Variants in DPP6 observed in about 807,000 individuals in gnomAD.
DPP6 encodes dipeptidyl peptidase like 6.
In DPP6, 69 loss-of-function variants were observed where a neutral mutation model predicts 122.6. The observed-to-expected ratio is 0.56, with a 90% confidence interval of 0.46 to 0.69. The LOEUF (loss-of-function observed/expected upper bound fraction) is 0.69, where lower values mean the gene tolerates loss of function less well. Among genes scored for constraint, DPP6 ranks in the 30% least tolerant of loss-of-function variants. The pLI is 0.00. For synonymous variants in DPP6, 418 were observed against 433.1 expected, an observed-to-expected ratio of 0.97 and a Z score of 0.43; for missense variants, 928 against 1,116.9, an observed-to-expected ratio of 0.83 and a Z score of 2.41.
intron 10 of DPP6, among the ~76,000 whole-genome samples, chr7:154,788,071 C>CT (rs1049742201): frequency 6.6e-6 from 1 of 151,962 alleles, no homozygotes; most frequent in African/African-American, 2.4e-5. Context: ...TTAGAGATTA[C>CT]TTTTTTTTAC....
chr7:153,953,689 C>T (rs1802324729), intron 1 of DPP6, among the ~76,000 whole-genome samples: 1 of 152,174 alleles, frequency 6.6e-6, no homozygotes. Flanking sequence ...TTGGAGGTTT[C>T]TTGGCTATAC....
chr7:154,572,488 T>TGAGTATAC (rs1831172038), intron 5 of DPP6, among the ~76,000 whole-genome samples: 1 of 147,350 alleles, frequency 6.8e-6, no homozygotes, highest in East Asian at 2.0e-4. Flanking sequence ...TCTGAGTATA[T>TGAGTATAC]GAGTTTCTTT....
At chr7:154,446,110 C>G in intron 1 of DPP6, 104 bp from the exon 2 acceptor site, 1 of 685,638 alleles carries the variant, frequency 1.5e-6, no homozygotes, top group Non-Finnish European at 2.4e-6. Flanking sequence ...GCCTCTTTCA[C>G]TGTTTTGTAT....
At chr7:154,106,755 G>A (rs1806190202) in intron 1 of DPP6, among the ~76,000 whole-genome samples, 1 of 152,154 alleles carries the variant, frequency 6.6e-6, no homozygotes, top group African/African-American at 2.4e-5. Context: ...AGTCCCTGGA[G>A]AGAAAAGAGG....
the DPP6 span, among the ~76,000 whole-genome samples, chr7:153,841,583 G>A: frequency 6.6e-6 from 1 of 152,192 alleles, no homozygotes; most frequent in Non-Finnish European, 1.5e-5. Context: ...TGAGTCAAAC[G>A]AGTTTGCAAG....
intron 16 of DPP6, among the ~76,000 whole-genome samples, chr7:154,844,357 A>G (rs1801786269): frequency 6.6e-6 from 1 of 152,186 alleles, no homozygotes; most frequent in Admixed American, 6.5e-5. Flanking sequence ...AGCTTCCCCA[A>G]AATTCTGTGT....
intron 1 of DPP6, among the ~76,000 whole-genome samples, chr7:154,013,485 G>A (rs1376053796): frequency 7.1e-6 from 1 of 141,698 alleles, no homozygotes; most frequent in African/African-American, 2.6e-5. Context: ...AACAAATTCA[G>A]GTCTTTGTTC....
chr7:154,129,003 C>T (rs536680486), intron 1 of DPP6, among the ~76,000 whole-genome samples: 1 of 152,302 alleles, frequency 6.6e-6, no homozygotes, highest in South Asian at 2.1e-4. Flanking sequence ...TGCATCTTCT[C>T]TACCTTGTTG....
chr7:153,838,803 A>G, the DPP6 span, among the ~76,000 whole-genome samples: 1 of 152,220 alleles, frequency 6.6e-6, no homozygotes, highest in African/African-American at 2.4e-5. Flanking sequence ...AGCAGATGAC[A>G]TTTGCTTTAG....
At chr7:154,313,676 T>C (rs1344092567) in intron 1 of DPP6, among the ~76,000 whole-genome samples, 6 of 85,150 alleles carry the variant, frequency 7.0e-5, no homozygotes, top group Non-Finnish European at 1.2e-4. Flanking sequence ...CAAGATATTT[T>C]AAGATATGGT....
the DPP6 span, among the ~76,000 whole-genome samples, chr7:153,812,517 A>G: frequency 6.6e-6 from 1 of 152,074 alleles, no homozygotes; most frequent in Admixed American, 6.5e-5. Context: ...TCCAAATACG[A>G]GAATTTTCTG....
At chr7:154,471,353 A>G (rs1229447686) in intron 2 of DPP6, among the ~76,000 whole-genome samples, 1 of 152,210 alleles carries the variant, frequency 6.6e-6, no homozygotes, top group East Asian at 1.9e-4. Flanking sequence ...ATAAGAAGGA[A>G]CAGGTAAAAA....
chr7:153,793,055 C>T, the DPP6 span, among the ~76,000 whole-genome samples: 1 of 152,140 alleles, frequency 6.6e-6, no homozygotes, highest in East Asian at 1.9e-4. Flanking sequence ...TTGGGTGTGT[C>T]TTTATCAGCA....
intron 1 of DPP6, among the ~76,000 whole-genome samples, chr7:153,989,544 C>G (rs1797046436): frequency 2.0e-5 from 3 of 151,836 alleles, no homozygotes; most frequent in Admixed American, 2.0e-4. Context: ...AGAAGCCGGA[C>G]TCCAGCTTCC....
intron 1 of DPP6, among the ~76,000 whole-genome samples, chr7:153,891,402 C>G (rs1011324889): frequency 6.6e-6 from 1 of 152,080 alleles, no homozygotes; most frequent in African/African-American, 2.4e-5. Context: ...ACTAACCATG[C>G]CATATTCAAT....
At chr7:154,813,649 T>G (rs952750159) in intron 16 of DPP6, among the ~76,000 whole-genome samples, 1 of 152,016 alleles carries the variant, frequency 6.6e-6, no homozygotes, top group Non-Finnish European at 1.5e-5. Flanking sequence ...AACTCACCTA[T>G]CTATGTAATA....
chr7:154,795,631 T>A (rs932832587), intron 11 of DPP6, among the ~76,000 whole-genome samples: 3 of 152,160 alleles, frequency 2.0e-5, no homozygotes, highest in South Asian at 2.1e-4. Flanking sequence ...CGAGGACGCT[T>A]GTGTTTGGCT....
intron 1 of DPP6, among the ~76,000 whole-genome samples, chr7:154,259,686 G>A (rs1470532009): frequency 6.6e-6 from 1 of 152,224 alleles, no homozygotes; most frequent in Non-Finnish European, 1.5e-5. Context: ...TGTAAATCAA[G>A]TCTGTAGCAC....
intron 15 of DPP6, among the ~76,000 whole-genome samples, 185 bp from the exon 16 acceptor site, chr7:154,806,809 G>A (rs540200227): frequency 1.3e-5 from 2 of 152,336 alleles, no homozygotes; most frequent in East Asian, 3.9e-4. Context: ...ACCAGCAAAG[G>A]AAGGTGGAAA....
Sources: gnomAD v4.1 joint callset for allele counts (sites outside exome capture counted in the v4.1 genomes callset) on GRCh38, gnomAD v4.1.1 for gene constraint, MANE v1.5 for transcripts, NCBI Gene and HGNC (gene_info 2026-07-23, HGNC 2026-07-21) for gene names.